The following TBC1D8B variants were observed in gnomAD, a reference collection of about 807,000 sequenced individuals.
The protein encoded by TBC1D8B is RP11-321G1.1.
A neutral mutation model predicts 82.9 loss-of-function variants in TBC1D8B; 75 were observed. The ratio of observed to expected loss-of-function variants is 0.90; its 90% CI spans 0.75 to 1.10. TBC1D8B has a LOEUF of 1.10. TBC1D8B is among the 50% of genes least tolerant of loss of function. The pLI is 0.00. For missense variants in TBC1D8B, 794 were observed against 796.9 expected (o/e 1.00, Z 0.04); for synonymous variants, 276 against 276.8 (o/e 1.00, Z 0.03).
chrX:106,804,191 A>T (rs1040817015), intron 1 of TBC1D8B, among the ~76,000 whole-genome samples: 1 of 111,807 alleles, frequency 8.9e-6, no homozygotes. Context: ...CTCTCTTGGA[A>T]AATGGTGCCT....
chrX:106,805,046 G>GT (rs1208714565), intron 1 of TBC1D8B, among the ~76,000 whole-genome samples: 6 of 58,304 alleles, frequency 1.0e-4, no homozygotes, highest in African/African-American at 2.0e-4. Flanking sequence ...AGTATTGCAT[G>GT]TTTTTTTTAA....
intron 17 of TBC1D8B, among the ~76,000 whole-genome samples, chrX:106,867,329 C>T (rs987224133): frequency 5.4e-5 from 6 of 112,030 alleles, no homozygotes; most frequent in Non-Finnish European, 1.1e-4. Context: ...TCTGTCAAGA[C>T]ATTAACTTTA....
At chrX:106,848,936 A>ATTT (rs34205623) in intron 11 of TBC1D8B, among the ~76,000 whole-genome samples, 10 of 98,798 alleles carry the variant, frequency 1.0e-4, no homozygotes, top group African/African-American at 3.7e-4. Flanking sequence ...CGCCTGGCTA[A>ATTT]TTTTTTTTTT....
chrX:106,832,202 C>T (rs1447375951), intron 7 of TBC1D8B, among the ~76,000 whole-genome samples: 1 of 111,178 alleles, frequency 9.0e-6, no homozygotes, highest in Non-Finnish European at 1.9e-5. Context: ...GGAAATCTTT[C>T]CTGTGAGAAT....
intron 7 of TBC1D8B, among the ~76,000 whole-genome samples, chrX:106,835,650 T>A (rs1238077366): frequency 8.9e-6 from 1 of 111,994 alleles, no homozygotes; most frequent in African/African-American, 3.2e-5. Context: ...GTTTAGAAAT[T>A]TCTTCCATCA....
intron 2 of TBC1D8B, among the ~76,000 whole-genome samples, chrX:106,819,468 T>A (rs907291347): frequency 4.5e-5 from 5 of 111,276 alleles, no homozygotes; most frequent in African/African-American, 1.6e-4. Flanking sequence ...AATCCCAGAT[T>A]TCTAGCCTTT....
At chrX:106,830,536 G>C (rs1284986893) in intron 7 of TBC1D8B, among the ~76,000 whole-genome samples, 1 of 110,706 alleles carries the variant, frequency 9.0e-6, no homozygotes, top group Non-Finnish European at 1.9e-5. Context: ...CCAAGACTTG[G>C]AACCAAGCCA....
At chrX:106,844,445 G>A (rs1366732559) in intron 10 of TBC1D8B, among the ~76,000 whole-genome samples, 4 of 105,719 alleles carry the variant, frequency 3.8e-5, no homozygotes, top group African/African-American at 1.4e-4. Context: ...TGATTTTTCT[G>A]TGTCAATTGA....
At chrX:106,851,137 C>T (rs964399042) in intron 12 of TBC1D8B, among the ~76,000 whole-genome samples, 1 of 112,279 alleles carries the variant, frequency 8.9e-6, no homozygotes, top group African/African-American at 3.2e-5. Context: ...TGCCTGTAAT[C>T]CCAGCACTTT....
chrX:106,805,072 C>CTTTTTT (rs11432144), intron 1 of TBC1D8B, among the ~76,000 whole-genome samples: 804 of 54,463 alleles, frequency 0.015, 2 homozygotes, highest in East Asian at 0.017. Context: ...TGCAAGTTTC[C>CTTTTTT]TTTTTTTTTT....
intron 12 of TBC1D8B, among the ~76,000 whole-genome samples, chrX:106,852,882 C>G (rs766526478): frequency 2.2e-4 from 25 of 111,264 alleles, no homozygotes; most frequent in African/African-American, 7.5e-4. Flanking sequence ...TGTTCTTTTG[C>G]CTTAGGATTG....
chrX:106,821,560 G>A (rs776272603), intron 3 of TBC1D8B, among the ~76,000 whole-genome samples: 6 of 111,102 alleles, frequency 5.4e-5, no homozygotes, highest in Non-Finnish European at 7.6e-5. Flanking sequence ...ATATACAGTC[G>A]TCCCTAGGTA....
intron 18 of TBC1D8B, 27 bp downstream of exon 18, chrX:106,868,503 G>A (rs771727006): frequency 2.2e-6 from 2 of 916,214 alleles, no homozygotes; most frequent in African/African-American, 4.1e-5. Flanking sequence ...AATGTTAACT[G>A]TTTTGATGAT....
At chrX:106,818,914 AC>A in intron 2 of TBC1D8B, 141 bp downstream of exon 2, 1 of 426,813 alleles carries the variant, frequency 2.3e-6, no homozygotes, top group Non-Finnish European at 3.8e-6. Flanking sequence ...GAATAGCAAG[AC>A]CTCTATTTTT....
At chrX:106,834,347 A>G (rs1029498534) in intron 7 of TBC1D8B, among the ~76,000 whole-genome samples, 1 of 111,011 alleles carries the variant, frequency 9.0e-6, no homozygotes, top group Non-Finnish European at 1.9e-5. Context: ...TGAGAACAGC[A>G]TGGGAGAAAC....
intron 1 of TBC1D8B, among the ~76,000 whole-genome samples, chrX:106,817,971 ATATAAT>A (rs1342463307): frequency 9.0e-6 from 1 of 111,263 alleles, no homozygotes; most frequent in Non-Finnish European, 1.9e-5. Context: ...ATAGTAGGAA[ATATAAT>A]TAGATTATTA....
chrX:106,833,926 T>C (rs1363006566), intron 7 of TBC1D8B, among the ~76,000 whole-genome samples: 2 of 109,890 alleles, frequency 1.8e-5, no homozygotes, highest in Non-Finnish European at 3.8e-5. Context: ...CTAAACTTAA[T>C]ATTAAGTTGT....
intron 7 of TBC1D8B, chrX:106,827,539 C>G (rs1931886360): frequency 2.7e-6 from 1 of 368,573 alleles, no homozygotes; most frequent in Non-Finnish European, 4.6e-6. Flanking sequence ...TTTAGGAACC[C>G]ATACATTATA....
chrX:106,868,309 C>T, intron 17 of TBC1D8B, 84 bp from the exon 18 acceptor site: 1 of 584,527 alleles, frequency 1.7e-6, no homozygotes, highest in Non-Finnish European at 2.4e-6. Context: ...ACACCCAGTT[C>T]CCAGATATAC....
Sources: gnomAD v4.1 joint callset for allele counts (sites outside exome capture counted in the v4.1 genomes callset) on GRCh38, gnomAD v4.1.1 for gene constraint, MANE v1.5 for transcripts, NCBI Gene and HGNC (gene_info 2026-07-23, HGNC 2026-07-21) for gene names.